MGAT4C: variants seen among roughly 807,000 people sequenced by gnomAD.
MGAT4C encodes the protein alpha-1,3-mannosyl-glycoprotein 4-beta-N-acetylglucosaminyltransferase C.
MGAT4C carries 19 observed loss-of-function variants against 40.1 expected under a neutral mutation model. The observed-to-expected ratio is 0.47, with a 90% CI of 0.33 to 0.70. The LOEUF is 0.70. Among genes scored for constraint, MGAT4C ranks in the 30% least tolerant of loss-of-function variants. The probability of loss-of-function intolerance (pLI) is 0.02; values close to 1 mark genes in which losing one functional copy is unlikely to be tolerated. For synonymous variants in MGAT4C, 181 were observed against 187.1 expected (o/e 0.97, Z 0.27); for missense variants, 491 against 563.2 (o/e 0.87, Z 1.30).
At chr12:86,495,127 C>G (rs1257627059) in intron 2 of MGAT4C, 4 of 152,056 alleles carry the variant, frequency 2.6e-5, no homozygotes, top group Non-Finnish European at 5.9e-5. Context: ...ACCCAAATAT[C>G]TTTATAAACT....
intron 2 of MGAT4C, among the ~76,000 whole-genome samples, chr12:86,541,426 A>C (rs1959167070): frequency 6.6e-6 from 1 of 152,188 alleles, no homozygotes; most frequent in Non-Finnish European, 1.5e-5. Flanking sequence ...AAAAGTTCAA[A>C]ATACTGATTT....
At chr12:86,370,382 C>T (rs2136210806) in intron 3 of MGAT4C, among the ~76,000 whole-genome samples, 1 of 152,058 alleles carries the variant, frequency 6.6e-6, no homozygotes, top group South Asian at 2.1e-4. Flanking sequence ...TGCAAAATAT[C>T]AAGAAGTGAG....
intron 1 of MGAT4C, among the ~76,000 whole-genome samples, chr12:86,117,335 G>T (rs559152254): frequency 1.3e-5 from 2 of 152,288 alleles, no homozygotes; most frequent in East Asian, 3.9e-4. Flanking sequence ...TTTTGAGCAG[G>T]AAGGAGAATA....
intron 1 of MGAT4C, among the ~76,000 whole-genome samples, chr12:86,122,498 T>A (rs1382593855): frequency 1.3e-5 from 2 of 152,176 alleles, no homozygotes; most frequent in African/African-American, 2.4e-5. Flanking sequence ...ATGACACTTT[T>A]CATCTTATCT....
chr12:86,578,611 T>C (rs1033236501), intron 2 of MGAT4C, among the ~76,000 whole-genome samples: 1 of 151,764 alleles, frequency 6.6e-6, no homozygotes, highest in African/African-American at 2.4e-5. Flanking sequence ...TGTATGTATT[T>C]AGTAACATTT....
At position 86,529,677 on chromosome 12, in the gene MGAT4C, C is replaced by CT. The variant is rs1000505848; in HGVS notation, c.-228-94413dup. 4.6e-5 allele frequency among the ~76,000 whole-genome samples: 7 copies of CT among 151,742 alleles called. No individual in the cohort carries two copies. The South Asian group carries it at 6.2e-4, about 14-fold the overall frequency. Reference sequence around the variant, plus strand: ...GTAATTTGTTTTGGTTTTTGATTTCCTTTTTTTTATGTTTCCATAGCAGAA... The same window carrying CT: ...GTAATTTGTTTTGGTTTTTGATTTCCTTTTTTTTTATGTTTCCATAGCAGAA... On this transcript the variant is annotated intron_variant, in intron 2 of 7. Transcript: ENST00000548651.
chr12:86,656,530 A>G (rs1963854653), intron 2 of MGAT4C, among the ~76,000 whole-genome samples: 1 of 152,052 alleles, frequency 6.6e-6, no homozygotes, highest in Non-Finnish European at 1.5e-5. Flanking sequence ...AAAACAATCC[A>G]TATGAGGACC....
At chr12:86,631,317 T>C (rs1280509067) in intron 2 of MGAT4C, among the ~76,000 whole-genome samples, 2 of 152,096 alleles carry the variant, frequency 1.3e-5, no homozygotes, top group Non-Finnish European at 2.9e-5. Flanking sequence ...ATCGTGAATA[T>C]GGCCATACTG....
intron 3 of MGAT4C, among the ~76,000 whole-genome samples, chr12:86,342,992 T>C (rs1954935776): frequency 6.6e-6 from 1 of 152,058 alleles, no homozygotes; most frequent in Admixed American, 6.6e-5. Flanking sequence ...TCAAAAAAAC[T>C]AAAGAGTAAT....
intron 2 of MGAT4C, among the ~76,000 whole-genome samples, chr12:86,680,859 T>A (rs1417766399): frequency 6.6e-6 from 1 of 151,910 alleles, no homozygotes; most frequent in Non-Finnish European, 1.5e-5. Context: ...CTTTCTATAG[T>A]TGTGAATTTA....
chr12:86,307,218 G>A (rs201543985), intron 4 of MGAT4C, among the ~76,000 whole-genome samples: 1 of 20,742 alleles, frequency 4.8e-5, no homozygotes, highest in Non-Finnish European at 1.7e-4. Context: ...TATAATAACT[G>A]TATTAGATTT....
At chr12:85,994,923 T>G (rs1334712488) in intron 2 of MGAT4C, among the ~76,000 whole-genome samples, 1 of 152,062 alleles carries the variant, frequency 6.6e-6, no homozygotes, top group Non-Finnish European at 1.5e-5. Context: ...TAAATATAAA[T>G]TAATGATGAA....
At chr12:86,713,865 T>C (rs1191392727) in intron 2 of MGAT4C, among the ~76,000 whole-genome samples, 1 of 151,282 alleles carries the variant, frequency 6.6e-6, no homozygotes, top group South Asian at 2.1e-4. Flanking sequence ...ATTACATTAT[T>C]ATGTAATTCA....
At chr12:86,748,895 T>C (rs1318860423) in intron 1 of MGAT4C, among the ~76,000 whole-genome samples, 1 of 151,472 alleles carries the variant, frequency 6.6e-6, no homozygotes, top group Non-Finnish European at 1.5e-5. Flanking sequence ...TTTAAAAGTG[T>C]TGAGTGCTTA....
chr12:86,383,495 G>A (rs1186173287), intron 3 of MGAT4C, among the ~76,000 whole-genome samples: 3 of 127,654 alleles, frequency 2.4e-5, no homozygotes, highest in Admixed American at 2.0e-4. Flanking sequence ...AGGTTGCAGT[G>A]AGCCAAGATC....
At chr12:86,108,290 T>C (rs1430194644) in intron 1 of MGAT4C, among the ~76,000 whole-genome samples, 5 of 152,106 alleles carry the variant, frequency 3.3e-5, no homozygotes, top group Admixed American at 3.3e-4. Flanking sequence ...TGACAGAAGA[T>C]ACTCTTTGTA....
At chr12:86,608,613 T>C (rs1045278725) in intron 2 of MGAT4C, among the ~76,000 whole-genome samples, 5 of 151,956 alleles carry the variant, frequency 3.3e-5, no homozygotes, top group Non-Finnish European at 7.4e-5. Flanking sequence ...TTATAATACA[T>C]ACATATTGCT....
intron 1 of MGAT4C, among the ~76,000 whole-genome samples, chr12:86,137,253 C>T (rs1882106054): frequency 6.6e-6 from 1 of 152,134 alleles, no homozygotes; most frequent in Non-Finnish European, 1.5e-5. Flanking sequence ...ACATAAGACT[C>T]AATTTATTTT....
intron 1 of MGAT4C, among the ~76,000 whole-genome samples, chr12:86,728,125 ATG>A (rs1311954164): frequency 6.6e-6 from 1 of 152,196 alleles, no homozygotes; most frequent in Non-Finnish European, 1.5e-5. Context: ...GAGGAGTGAG[ATG>A]TGTTTACGCA....
Sources: allele counts gnomAD v4.1 joint callset (sites outside exome capture counted in the v4.1 genomes callset), GRCh38; gene constraint gnomAD v4.1.1; transcripts MANE v1.5; gene names NCBI Gene and HGNC (gene_info 2026-07-23, HGNC 2026-07-21).